ENTPD1: variants seen among roughly 807,000 people sequenced by gnomAD.
ENTPD1 encodes ATP diphosphohydrolase.
Under a neutral mutation model 57.0 loss-of-function variants are expected in ENTPD1, and 33 were observed. That is an observed-to-expected ratio of 0.58 (90% CI 0.44 to 0.77). ENTPD1 has a LOEUF of 0.77. ENTPD1 is among the 30% of genes least tolerant of loss of function. The probability of loss-of-function intolerance (pLI) is 0.00; values close to 1 mark genes in which losing one functional copy is unlikely to be tolerated. For missense variants in ENTPD1, 501 were observed against 603.4 expected, an observed-to-expected ratio of 0.83 and a Z score of 1.78; for synonymous variants, 202 against 218.8, an observed-to-expected ratio of 0.92 and a Z score of 0.68.
At chr10:95,787,416 A>G (rs1271399960) in intron 1 of ENTPD1, among the ~76,000 whole-genome samples, 2 of 152,180 alleles carry the variant, frequency 1.3e-5, no homozygotes, top group East Asian at 3.8e-4. Flanking sequence ...TTTTTTATTT[A>G]AAGATATAGG....
At position 95,712,387 on chromosome 10, in the gene ENTPD1, T is replaced by C. The variant is rs563414672; in HGVS notation, c.37+394T>C. 1.6e-4 allele frequency among the ~76,000 whole-genome samples: 25 copies of C among 152,264 alleles called. 2 individuals are homozygous for C. In the South Asian group the frequency reaches 5.2e-3, roughly 32 times the overall value. On this transcript the variant is annotated intron_variant, in intron 1 of 9. Transcript: ENST00000453258. Reference sequence around the variant, plus strand: ...CCCCAAAATAAAAACCAGATGAAGTTCTCCTATTGTCTTATTTCATGTCCG... The same window carrying C: ...CCCCAAAATAAAAACCAGATGAAGTCCTCCTATTGTCTTATTTCATGTCCG...
At position 95,875,822 on chromosome 10, in the gene ENTPD1, T is replaced by A; in HGVS notation, c.*9439T>A. The A allele has an allele frequency of 9.4e-6, 2 of 213,120 alleles. No individual in the cohort carries two copies. The highest frequency in any genetic ancestry group is 1.6e-5 in the Non-Finnish European group (2 of 123,820). 13.2% of individuals were successfully genotyped at this position (213,120 alleles called of 1,614,324 possible). A position where few individuals can be genotyped will look rare whatever the true frequency, so the allele number is the denominator to read the frequency against. On this transcript the variant is annotated 3_prime_UTR_variant, in exon 10 of 10. Transcript: ENST00000371205. ...AGAAACCCCTGATAAAACCATCAGA[T>A]CTCGTGAGACTTATTCACTATCACA... is the stretch of plus-strand genomic sequence containing the variant.
upstream of ENTPD1, among the ~76,000 whole-genome samples, chr10:95,709,356 T>A (rs2139800213): frequency 7.2e-6 from 1 of 138,908 alleles, no homozygotes; most frequent in South Asian, 2.2e-4. Context: ...TCTCCTCTTT[T>A]CCTTATTTTT....
intron 1 of ENTPD1, among the ~76,000 whole-genome samples, chr10:95,788,862 TC>T (rs1262114104): frequency 6.6e-6 from 1 of 152,120 alleles, no homozygotes; most frequent in Non-Finnish European, 1.5e-5. Flanking sequence ...TAAACAGTTT[TC>T]CCCCGAGGAT....
At chr10:95,797,826 C>T (rs927476754) in intron 1 of ENTPD1, among the ~76,000 whole-genome samples, 1 of 152,174 alleles carries the variant, frequency 6.6e-6, no homozygotes, top group Non-Finnish European at 1.5e-5. Flanking sequence ...TTGAAGGTCA[C>T]ATTTTAACAT....
chr10:95,868,776 C>T lies in ENTPD1; in HGVS notation c.*2393C>T. 2.0e-6 allele frequency: 2 copies of T among 985,370 alleles called. No homozygotes were observed. Among genetic ancestry groups the T allele is most frequent in the Non-Finnish European group, 2.4e-6 (2 of 829,920 alleles). The allele number at this position is 985,370 out of a possible 1,614,324, so 61.0% of individuals were successfully genotyped here. ...CTCAGCAAGTTGGAATTAGACTTCACAAGTCTCCTTCAGAGAACACAAATC... is the reference window on the plus strand; with the variant it reads ...CTCAGCAAGTTGGAATTAGACTTCATAAGTCTCCTTCAGAGAACACAAATC... On this transcript the variant is annotated 3_prime_UTR_variant, in exon 10 of 10. Coordinates refer to ENST00000371205, the MANE Select transcript of ENTPD1 (RefSeq NM_001776.6).
At chr10:95,793,588 C>A (rs149940574) in intron 1 of ENTPD1, among the ~76,000 whole-genome samples, 201 of 152,268 alleles carry the variant, frequency 1.3e-3, no homozygotes, top group Admixed American at 2.7e-3. Context: ...CACCTAGCAA[C>A]TTGTTAGAAA....
upstream of ENTPD1, among the ~76,000 whole-genome samples, chr10:95,710,638 T>A (rs1418605650): frequency 1.3e-5 from 2 of 152,148 alleles, no homozygotes; most frequent in African/African-American, 2.4e-5. Context: ...TTTTTAAAAA[T>A]TTTTCTTTAG....
intron 1 of ENTPD1, among the ~76,000 whole-genome samples, chr10:95,820,193 T>C (rs2098344284): frequency 6.6e-6 from 1 of 152,204 alleles, no homozygotes; most frequent in South Asian, 2.1e-4. Flanking sequence ...ATATAGTCCA[T>C]GGAAGATAGC....
chr10:95,730,818 G>A (rs986010539), intron 1 of ENTPD1, among the ~76,000 whole-genome samples: 1 of 152,170 alleles, frequency 6.6e-6, no homozygotes, highest in Non-Finnish European at 1.5e-5. Context: ...GAAAAGTGAA[G>A]GTATACTAAT....
intron 1 of ENTPD1, among the ~76,000 whole-genome samples, chr10:95,736,473 G>A (rs1280613832): frequency 6.6e-6 from 1 of 152,098 alleles, no homozygotes; most frequent in African/African-American, 2.4e-5. Flanking sequence ...TAAAGAAAAA[G>A]TTAATAAACT....
chr10:95,731,291 A>C (rs1051899413), intron 1 of ENTPD1, among the ~76,000 whole-genome samples: 4 of 152,020 alleles, frequency 2.6e-5, no homozygotes, highest in African/African-American at 7.2e-5. Context: ...TAGGTTCAGC[A>C]GGAGATTGGA....
intron 1 of ENTPD1, among the ~76,000 whole-genome samples, chr10:95,731,908 G>A (rs1003014566): frequency 4.1e-5 from 6 of 148,076 alleles, no homozygotes; most frequent in East Asian, 2.0e-4. Flanking sequence ...TCAGCTTCCC[G>A]AGTACCTGCG....
At chr10:95,780,337 G>A (rs1388500037) in intron 1 of ENTPD1, among the ~76,000 whole-genome samples, 1 of 152,122 alleles carries the variant, frequency 6.6e-6, no homozygotes, top group African/African-American at 2.4e-5. Flanking sequence ...TGAATCTTAT[G>A]TATATTTGTA....
At chr10:95,806,299 T>C (rs945467201) in intron 1 of ENTPD1, among the ~76,000 whole-genome samples, 4 of 152,256 alleles carry the variant, frequency 2.6e-5, no homozygotes, top group Non-Finnish European at 5.9e-5. Flanking sequence ...ATGAAGGTTG[T>C]GCATGTGTCA....
intron 1 of ENTPD1, among the ~76,000 whole-genome samples, chr10:95,807,567 G>T (rs1414343621): frequency 6.6e-6 from 1 of 152,232 alleles, no homozygotes; most frequent in Non-Finnish European, 1.5e-5. Flanking sequence ...AATTGGAAAT[G>T]CAGAAATCAC....
At chr10:95,727,436 A>G (rs115269639) in intron 1 of ENTPD1, among the ~76,000 whole-genome samples, 5,677 of 152,214 alleles carry the variant, frequency 0.037, 130 homozygotes, top group Non-Finnish European at 0.049. Context: ...GATAACTTAT[A>G]TGTGATTCAT....
the ENTPD1 span, among the ~76,000 whole-genome samples, chr10:95,701,248 A>G: frequency 6.6e-6 from 1 of 152,198 alleles, no homozygotes. Flanking sequence ...ACTGCTTGAG[A>G]CCAGGAGTTC....
chr10:95,761,778 C>T (rs939907656), intron 1 of ENTPD1, among the ~76,000 whole-genome samples: 1 of 152,180 alleles, frequency 6.6e-6, no homozygotes, highest in Non-Finnish European at 1.5e-5. Flanking sequence ...TTATTCTCTG[C>T]CTTCAACTTG....
Sources: gnomAD v4.1 joint callset for allele counts (sites outside exome capture counted in the v4.1 genomes callset) on GRCh38, gnomAD v4.1.1 for gene constraint, MANE v1.5 for transcripts, NCBI Gene and HGNC (gene_info 2026-07-23, HGNC 2026-07-21) for gene names.